Variants in RAP1GAP2 observed in about 807,000 individuals in gnomAD.
The protein encoded by RAP1GAP2 is RAP1 GTPase activating protein 2.
RAP1GAP2 carries 27 observed loss-of-function variants against 95.0 expected under a neutral mutation model. That is an observed-to-expected ratio of 0.28 (90% CI 0.21 to 0.39). RAP1GAP2 has a LOEUF of 0.39. Ranked by LOEUF, RAP1GAP2 falls within the 10% of genes least tolerant of loss-of-function variation. The probability of loss-of-function intolerance (pLI) is 1.00; values close to 1 mark genes in which losing one functional copy is unlikely to be tolerated. For missense variants in RAP1GAP2, 771 were observed against 970.0 expected, an observed-to-expected ratio of 0.79 and a Z score of 2.72; for synonymous variants, 373 against 380.9, an observed-to-expected ratio of 0.98 and a Z score of 0.24.
chr17:2,959,402 C>T (rs768716947), intron 4 of RAP1GAP2, among the ~76,000 whole-genome samples: 2 of 152,158 alleles, frequency 1.3e-5, no homozygotes, highest in East Asian at 1.9e-4. Flanking sequence ...TGCCTGTTCC[C>T]TTTCAGTTGA....
At chr17:2,849,599 G>A (rs1230307209) in intron 2 of RAP1GAP2, among the ~76,000 whole-genome samples, 4 of 152,320 alleles carry the variant, frequency 2.6e-5, no homozygotes, top group African/African-American at 9.6e-5. Flanking sequence ...CCCCAGGCCT[G>A]ATTCCCACCC....
intron 8 of RAP1GAP2, among the ~76,000 whole-genome samples, chr17:2,967,231 C>T (rs573319661): frequency 5.9e-5 from 9 of 152,116 alleles, no homozygotes; most frequent in Non-Finnish European, 8.8e-5. Context: ...ATTAGCTGGG[C>T]GTGGTGGCGG....
chr17:2,880,016 A>C (rs1281549058), intron 2 of RAP1GAP2, among the ~76,000 whole-genome samples: 1 of 151,962 alleles, frequency 6.6e-6, no homozygotes, highest in Non-Finnish European at 1.5e-5. Flanking sequence ...CCTGGAGCTC[A>C]CCGTCCAGCG....
chr17:2,846,033 A>G (rs1169508725), intron 2 of RAP1GAP2, among the ~76,000 whole-genome samples: 2 of 151,768 alleles, frequency 1.3e-5, no homozygotes, highest in African/African-American at 4.8e-5. Flanking sequence ...AATACAAAAA[A>G]TTAGTCGAGC....
At chr17:2,981,867 A>G (rs1333402447) in intron 10 of RAP1GAP2, among the ~76,000 whole-genome samples, 1 of 152,208 alleles carries the variant, frequency 6.6e-6, no homozygotes, top group African/African-American at 2.4e-5. Flanking sequence ...GACTGAAGTC[A>G]CCCATGGACA....
chr17:2,761,963 T>C (rs946902480), intron 1 of RAP1GAP2, among the ~76,000 whole-genome samples: 2 of 151,408 alleles, frequency 1.3e-5, no homozygotes, highest in Admixed American at 6.6e-5. Flanking sequence ...CATGTAGTTA[T>C]TGTCCGTTTA....
chr17:2,937,771 G>GGT (rs2043348399), intron 3 of RAP1GAP2, among the ~76,000 whole-genome samples: 1 of 152,200 alleles, frequency 6.6e-6, no homozygotes, highest in Non-Finnish European at 1.5e-5. Flanking sequence ...AAGGAAGTGA[G>GGT]GTGGTGCAGT....
At chr17:2,873,069 C>T (rs1270693504) in intron 2 of RAP1GAP2, among the ~76,000 whole-genome samples, 2 of 150,704 alleles carry the variant, frequency 1.3e-5, no homozygotes, top group Non-Finnish European at 3.0e-5. Flanking sequence ...CGCCACCGCA[C>T]TCCAGCCTAG....
At chr17:2,843,060 C>T (rs149123891) in intron 2 of RAP1GAP2, among the ~76,000 whole-genome samples, 322 of 152,078 alleles carry the variant, frequency 2.1e-3, no homozygotes, top group African/African-American at 7.1e-3. Context: ...TACATTCCAC[C>T]GGGGGCTGGT....
chr17:2,971,496 C>T (rs954060214), intron 8 of RAP1GAP2, among the ~76,000 whole-genome samples: 5 of 151,206 alleles, frequency 3.3e-5, no homozygotes, highest in African/African-American at 1.2e-4. Context: ...GCGTTTTGGG[C>T]GGCTGAGGCA....
At chr17:2,865,309 G>A (rs1186419498) in intron 2 of RAP1GAP2, among the ~76,000 whole-genome samples, 1 of 152,138 alleles carries the variant, frequency 6.6e-6, no homozygotes, top group East Asian at 1.9e-4. Flanking sequence ...GAACATTCTG[G>A]TTGTTTTTAA....
chr17:2,765,736 CTGTCTCAAAAAAAAAAAAGAG>C (rs1393149982), intron 1 of RAP1GAP2, among the ~76,000 whole-genome samples: 2 of 144,664 alleles, frequency 1.4e-5, no homozygotes, highest in African/African-American at 5.5e-5. Flanking sequence ...GAGGGAGACT[CTGTCTCAAAAAAAAAAAAGAG>C]TTTGAGCAAG....
Position 2,918,259 on chromosome 17 carries a change from C to A in RAP1GAP2, c.165+12891C>A, listed in dbSNP as rs536826753. Among the ~76,000 whole-genome samples the A allele has an allele frequency of 4.2e-5, 6 of 144,416 alleles. No homozygotes were observed. In the East Asian group the frequency reaches 1.2e-3, roughly 28 times the overall value. The allele number at this position is 144,416 out of a possible 152,430, so 94.7% of individuals were successfully genotyped here. A position where few individuals can be genotyped will look rare whatever the true frequency, so the allele number is the denominator to read the frequency against. On this transcript the variant is annotated intron_variant, in intron 3 of 24. Transcript: ENST00000254695. The stretch of plus-strand genomic sequence containing the variant: ...GACCAGCCTGGCCAATATGGTGAAA[C>A]CTGTTTCTACTAAAAATACAAAAAT...
intron 2 of RAP1GAP2, among the ~76,000 whole-genome samples, chr17:2,883,662 G>A (rs11869150): frequency 0.23 from 34,442 of 151,944 alleles, 4,080 homozygotes; most frequent in African/African-American, 0.29. Context: ...TTCTATCTGC[G>A]GCCTAGAGTG....
At chr17:2,875,297 C>T (rs2073046149) in intron 2 of RAP1GAP2, among the ~76,000 whole-genome samples, 1 of 152,142 alleles carries the variant, frequency 6.6e-6, no homozygotes, top group Non-Finnish European at 1.5e-5. Flanking sequence ...GAACTCCTGA[C>T]CTCAGGTGGT....
In RAP1GAP2 at chr17:2,871,905, T is replaced by G. The variant is rs1447601889; in HGVS notation, c.81-33379T>G. Among the ~76,000 whole-genome samples, 1 of 152,126 alleles carries G rather than the reference T, an allele frequency of 6.6e-6. No homozygotes were observed. Among genetic ancestry groups the G allele is most frequent in the African/African-American group, 2.4e-5 (1 of 41,446 alleles). The stretch of plus-strand genomic sequence containing the variant: ...ACTGGCTGCCTAAATTATTTCACAT[T>G]CATACCATGGACTAACTACTTAAAA... On this transcript the variant is annotated intron_variant, in intron 2 of 24. Coordinates refer to ENST00000254695, the MANE Select transcript of RAP1GAP2 (RefSeq NM_015085.5). The surrounding 1 kb of genome is among the most constrained non-coding windows in gnomAD (Gnocchi z 5.0).
chr17:3,025,130 A>G (rs1382296117), intron 19 of RAP1GAP2, among the ~76,000 whole-genome samples: 2 of 152,148 alleles, frequency 1.3e-5, no homozygotes, highest in Admixed American at 1.3e-4. Context: ...TAATCTCAGC[A>G]CTCTGGGAGC....
At chr17:2,971,424 A>G (rs1365228113) in intron 8 of RAP1GAP2, among the ~76,000 whole-genome samples, 1 of 152,164 alleles carries the variant, frequency 6.6e-6, no homozygotes, top group Non-Finnish European at 1.5e-5. Context: ...ATTACCTTAA[A>G]TGGTTTCCTA....
chr17:2,925,833 C>T (rs1233732801), intron 3 of RAP1GAP2, among the ~76,000 whole-genome samples: 1 of 152,060 alleles, frequency 6.6e-6, no homozygotes, highest in Non-Finnish European at 1.5e-5. Context: ...AGCGTGGGTC[C>T]GGGCCGGGTT....
Sources: gnomAD v4.1 joint callset for allele counts (sites outside exome capture counted in the v4.1 genomes callset) on GRCh38, gnomAD v4.1.1 for gene constraint, Gnocchi (gnomAD v3.1) non-coding constraint, MANE v1.5 for transcripts, NCBI Gene and HGNC (gene_info 2026-07-23, HGNC 2026-07-21) for gene names.